The following COL24A1 variants were observed in gnomAD, a reference collection of about 807,000 sequenced individuals.
The protein encoded by COL24A1 is collagen type XXIV alpha 1 chain, also known as collagen alpha-1(XXIV) chain.
In COL24A1, 224 loss-of-function variants were observed where a neutral mutation model predicts 253.9. That is an observed-to-expected ratio of 0.88 (90% CI 0.79 to 0.99). The LOEUF (loss-of-function observed/expected upper bound fraction) is 0.99, where lower values mean the gene tolerates loss of function less well. Among genes scored for constraint, COL24A1 ranks in the 50% least tolerant of loss-of-function variants. The probability of loss-of-function intolerance (pLI) is 0.00; values close to 1 mark genes in which losing one functional copy is unlikely to be tolerated. For synonymous variants in COL24A1, 685 were observed against 673.7 expected (o/e 1.02, Z -0.26); for missense variants, 2,131 against 2,068.5 (o/e 1.03, Z -0.59).
chr1:86,103,092 G>A lies in COL24A1; in HGVS notation c.1599+9475C>T, dbSNP rs981388282. On this transcript the variant is annotated intron_variant, in intron 5 of 59. Transcript: ENST00000370571. ...TTGGGATGCATATATATTTAGAAAAGTTAGGTCTTCTTGTTGAATTGAACC... is the reference window on the plus strand; with the variant it reads ...TTGGGATGCATATATATTTAGAAAAATTAGGTCTTCTTGTTGAATTGAACC... Among the ~76,000 whole-genome samples, 3 of 152,160 alleles carry A rather than the reference G, an allele frequency of 2.0e-5. No homozygotes were observed. In the East Asian group the frequency reaches 5.8e-4, roughly 29 times the overall value.
At chr1:85,921,329 C>T (rs573414916) in intron 24 of COL24A1, among the ~76,000 whole-genome samples, 1 of 152,334 alleles carries the variant, frequency 6.6e-6, no homozygotes, top group South Asian at 2.1e-4. Context: ...GCCTTGCTCA[C>T]TGCTAGAGCA....
At chr1:85,917,389 T>G (rs536164681) in intron 24 of COL24A1, among the ~76,000 whole-genome samples, 1 of 152,214 alleles carries the variant, frequency 6.6e-6, no homozygotes, top group Non-Finnish European at 1.5e-5. Context: ...TCTCTTCATT[T>G]ATGTGTTCAT....
chr1:85,795,463 G>A (rs1670703554), intron 47 of COL24A1, among the ~76,000 whole-genome samples: 1 of 151,982 alleles, frequency 6.6e-6, no homozygotes, highest in Non-Finnish European at 1.5e-5. Flanking sequence ...TCCAGGCAAC[G>A]ATAAAAATCT....
intron 5 of COL24A1, 44 bp downstream of exon 5, chr1:86,112,523 G>A (rs752865827): frequency 6.5e-6 from 10 of 1,545,510 alleles, no homozygotes; most frequent in Admixed American, 1.7e-5. Flanking sequence ...AGGAAAATCA[G>A]GTGATACTCA....
intron 40 of COL24A1, 49 bp from the exon 41 acceptor site, chr1:85,842,170 A>T (rs1286402199): frequency 1.9e-6 from 3 of 1,552,712 alleles, no homozygotes; most frequent in African/African-American, 1.4e-5. Flanking sequence ...TAGATATTAG[A>T]TATTGCATTA....
At chr1:86,097,550 CCTCCTCCCTTCTCCT>C (rs1704078896) in intron 5 of COL24A1, among the ~76,000 whole-genome samples, 2 of 7,608 alleles carry the variant, frequency 2.6e-4, no homozygotes, top group Non-Finnish European at 7.4e-4. Flanking sequence ...CCTCCTCCCT[CCTCCTCCCTTCTCCT>C]CCCCCTCCTC....
intron 43 of COL24A1, 122 bp downstream of exon 43, chr1:85,838,463 C>A: frequency 1.2e-6 from 1 of 801,812 alleles, no homozygotes; most frequent in Non-Finnish European, 2.0e-6. Flanking sequence ...AGAAAGACGT[C>A]TCTTCTAGGA....
chr1:85,802,986 T>C (rs1671593497), intron 47 of COL24A1, among the ~76,000 whole-genome samples: 1 of 152,234 alleles, frequency 6.6e-6, no homozygotes, highest in African/African-American at 2.4e-5. Context: ...ATTTGGTTCA[T>C]TCCTAGTTTT....
At chr1:85,921,721 G>A (rs1469065092) in intron 24 of COL24A1, among the ~76,000 whole-genome samples, 1 of 152,190 alleles carries the variant, frequency 6.6e-6, no homozygotes, top group South Asian at 2.1e-4. Flanking sequence ...GGAGAAACCA[G>A]AGCAGAAAAG....
intron 55 of COL24A1, among the ~76,000 whole-genome samples, chr1:85,746,698 T>C (rs1424016247): frequency 6.6e-6 from 1 of 151,990 alleles, no homozygotes; most frequent in Non-Finnish European, 1.5e-5. Flanking sequence ...AAATAAGAAT[T>C]GTTAGGAGAA....
rs189840789 is a variant in COL24A1 at position 85,960,224 on chromosome 1, A to G, written c.2562+1025T>C. On this transcript the variant is annotated intron_variant, in intron 24 of 59. Transcript: ENST00000370571. ...ACAACCATATAGAAGAAAATTTTTT[A>G]AGTCATAAGAAATAATATTATCTAT... 7.6e-3 allele frequency among the ~76,000 whole-genome samples: 1,165 copies of G among 152,332 alleles called. 13 individuals are homozygous for G. The highest frequency in any genetic ancestry group is 0.027 in the Middle Eastern group (8 of 294).
intron 43 of COL24A1, among the ~76,000 whole-genome samples, chr1:85,828,044 C>G (rs1674630369): frequency 6.6e-6 from 1 of 152,056 alleles, no homozygotes; most frequent in African/African-American, 2.4e-5. Flanking sequence ...TTCCTGGTTT[C>G]TCTTCTGGGC....
intron 12 of COL24A1, among the ~76,000 whole-genome samples, chr1:86,036,123 C>T (rs923880307): frequency 3.1e-4 from 47 of 151,954 alleles, no homozygotes; most frequent in African/African-American, 1.0e-3. Context: ...TGAATATCTA[C>T]TTTAAATTTT....
chr1:86,066,824 A>G (rs1481679136), intron 7 of COL24A1, among the ~76,000 whole-genome samples: 1 of 151,688 alleles, frequency 6.6e-6, no homozygotes, highest in Non-Finnish European at 1.5e-5. Flanking sequence ...TCACTGAATA[A>G]AAAACAAAGC....
At chr1:85,831,983 A>G (rs1227030190) in intron 43 of COL24A1, among the ~76,000 whole-genome samples, 2 of 152,092 alleles carry the variant, frequency 1.3e-5, no homozygotes, top group Non-Finnish European at 2.9e-5. Flanking sequence ...TTGGTGTTTT[A>G]GACATGAAGT....
intron 32 of COL24A1, among the ~76,000 whole-genome samples, chr1:85,878,215 TC>T (rs1681407067): frequency 6.6e-6 from 1 of 152,198 alleles, no homozygotes; most frequent in African/African-American, 2.4e-5. Flanking sequence ...TTCCCACAGT[TC>T]TGGAGGCTGG....
intron 20 of COL24A1, among the ~76,000 whole-genome samples, chr1:85,976,708 C>T (rs189877805): frequency 1.7e-3 from 264 of 152,318 alleles, no homozygotes; most frequent in Admixed American, 3.6e-3. Context: ...TACCTCCTGG[C>T]TGGAGGCCAA....
At chr1:86,028,858 A>G (rs1698289747) in intron 14 of COL24A1, among the ~76,000 whole-genome samples, 1 of 152,226 alleles carries the variant, frequency 6.6e-6, no homozygotes, top group African/African-American at 2.4e-5. Flanking sequence ...AAAACCTTGT[A>G]GCAAAGATGC....
intron 5 of COL24A1, among the ~76,000 whole-genome samples, chr1:86,103,566 G>T (rs1415215016): frequency 6.6e-6 from 1 of 152,146 alleles, no homozygotes; most frequent in Non-Finnish European, 1.5e-5. Context: ...TTGTAAGGCA[G>T]GTCTGATGGT....
Sources: allele counts gnomAD v4.1 joint callset (sites outside exome capture counted in the v4.1 genomes callset), GRCh38; gene constraint gnomAD v4.1.1; transcripts MANE v1.5; gene names NCBI Gene and HGNC (gene_info 2026-07-23, HGNC 2026-07-21).